The following KCNK10 variants were observed in gnomAD, a reference collection of about 807,000 sequenced individuals.
KCNK10 encodes the protein potassium channel subfamily K member 10.
In KCNK10, 25 loss-of-function variants were observed where a neutral mutation model predicts 47.7. The ratio of observed to expected loss-of-function variants is 0.52; its 90% CI spans 0.38 to 0.73. The LOEUF (loss-of-function observed/expected upper bound fraction) is 0.73. Ranked by LOEUF, KCNK10 falls within the 30% of genes least tolerant of loss-of-function variation. The pLI is 0.00. For missense variants in KCNK10, 563 were observed against 714.5 expected (o/e 0.79, Z 2.42); for synonymous variants, 303 against 285.6 (o/e 1.06, Z -0.61).
rs1431819911 is a variant in KCNK10, at chr14:88,180,847, G to A, written c.*4688C>T. The A allele has an allele frequency of 2.5e-6, 1 of 398,616 alleles. No individual in the cohort carries two copies. Among genetic ancestry groups the A allele is most frequent in the Non-Finnish European group, 4.4e-6 (1 of 226,054 alleles). The allele number at this position is 398,616 out of a possible 1,614,324, so 24.7% of individuals were successfully genotyped here. ...TTGCTTACAGCCATGTAATTAGCATGCTGTTCCAAAGTTTCCCTATGCAGA... is the reference window on the plus strand; with the variant it reads ...TTGCTTACAGCCATGTAATTAGCATACTGTTCCAAAGTTTCCCTATGCAGA... On this transcript the variant is annotated 3_prime_UTR_variant, in exon 7 of 7. Transcript: ENST00000319231.
At chr14:88,193,595 T>G (rs1205966958) in intron 4 of KCNK10, among the ~76,000 whole-genome samples, 3 of 152,172 alleles carry the variant, frequency 2.0e-5, no homozygotes, top group Non-Finnish European at 2.9e-5. Flanking sequence ...GTACACCACA[T>G]TTGGGGCAAT....
At chr14:88,304,457 C>T (rs1020999094) in intron 1 of KCNK10, among the ~76,000 whole-genome samples, 1 of 152,080 alleles carries the variant, frequency 6.6e-6, no homozygotes, top group Non-Finnish European at 1.5e-5. Context: ...TTTGTAACCC[C>T]GAAATCAAAT....
chr14:88,264,338 C>T (rs1482376807), intron 1 of KCNK10, among the ~76,000 whole-genome samples: 1 of 152,244 alleles, frequency 6.6e-6, no homozygotes, highest in Non-Finnish European at 1.5e-5. Flanking sequence ...TGCTATCATG[C>T]ATCACAGAAA....
At chr14:88,244,278 T>G (rs1283843879) in intron 2 of KCNK10, among the ~76,000 whole-genome samples, 2 of 152,218 alleles carry the variant, frequency 1.3e-5, no homozygotes, top group Non-Finnish European at 2.9e-5. Flanking sequence ...TAATTGAGTT[T>G]ACAGTTCTAA....
intron 2 of KCNK10, among the ~76,000 whole-genome samples, chr14:88,249,031 A>G (rs1051814177): frequency 1.3e-5 from 2 of 152,194 alleles, no homozygotes; most frequent in Non-Finnish European, 1.5e-5. Flanking sequence ...CTAGCCTTCT[A>G]TCTTCCACGA....
At chr14:88,250,373 T>G (rs1465994231) in intron 2 of KCNK10, among the ~76,000 whole-genome samples, 2 of 152,156 alleles carry the variant, frequency 1.3e-5, no homozygotes. Context: ...AAAGGGCAGC[T>G]CTTCTAAATT....
At position 88,185,877 on chromosome 14, in the gene KCNK10, C is replaced by T. The variant is rs2139819666; in HGVS notation, c.1290G>A (p.Leu430=). The change falls in exon 7 of 7, where the codon CTG becomes CTA. Residue 430 remains leucine, a synonymous_variant. Transcript: ENST00000319231. The surrounding 1 kb of genome is among the most constrained non-coding windows in gnomAD (Gnocchi z 4.3). ...SINNRPNNLR[L]KGPEQLNKHG... is the part of the protein sequence containing the mutation. ...GCTTGTTCAGCTGCTCCGGCCCCTT[C>T]AGGCGCAGGTTGTTGGGCCGGTTGT... The T allele has an allele frequency of 6.2e-7, 1 of 1,614,126 alleles. No individual in the cohort carries two copies. Among genetic ancestry groups the T allele is most frequent in the Non-Finnish European group, 8.5e-7 (1 of 1,180,030 alleles).
chr14:88,302,711 A>G (rs979990936), intron 1 of KCNK10, among the ~76,000 whole-genome samples: 3 of 152,184 alleles, frequency 2.0e-5, no homozygotes, highest in Non-Finnish European at 2.9e-5. Flanking sequence ...TTTTGTCTCA[A>G]ATAAATAAAA....
chr14:88,303,123 C>T (rs4899947), intron 1 of KCNK10, among the ~76,000 whole-genome samples: 76,245 of 151,990 alleles, frequency 0.5, 22,834 homozygotes, highest in Non-Finnish European at 0.68. Flanking sequence ...CCCTTCCCTG[C>T]TTTTAGACGA....
upstream of KCNK10, among the ~76,000 whole-genome samples, chr14:88,326,107 T>C (rs1888655887): frequency 6.7e-6 from 1 of 149,926 alleles, no homozygotes; most frequent in Non-Finnish European, 1.5e-5. Flanking sequence ...TTTCCCCACC[T>C]CCAACCTCTG....
chr14:88,267,884 C>T (rs1887305587), intron 1 of KCNK10, among the ~76,000 whole-genome samples: 1 of 152,124 alleles, frequency 6.6e-6, no homozygotes, highest in Admixed American at 6.5e-5. Context: ...TGATGGCCTA[C>T]TGGGCACTTA....
chr14:88,202,926 C>T (rs1294630798), intron 4 of KCNK10, among the ~76,000 whole-genome samples: 2 of 152,178 alleles, frequency 1.3e-5, no homozygotes, highest in East Asian at 1.9e-4. Flanking sequence ...CTAGGTCCTC[C>T]GACAGAGGGT....
In KCNK10 at chr14:88,248,923, C is replaced by T. The variant is rs541709658; in HGVS notation, c.403-8103G>A. Among the ~76,000 whole-genome samples the T allele has an allele frequency of 6.8e-4, 103 of 152,230 alleles. 1 individual carries two copies. The highest frequency in any genetic ancestry group is 1.1e-3 in the Non-Finnish European group (78 of 68,016). ...CCAGCACTTGCAATGTGGCAGACTC[C>T]GCCTTATTATCCTATTTAGTCCTCA... On this transcript the variant is annotated intron_variant, in intron 2 of 6. Transcript: ENST00000319231.
At chr14:88,315,896 G>C (rs891401595) in intron 1 of KCNK10, among the ~76,000 whole-genome samples, 1 of 152,082 alleles carries the variant, frequency 6.6e-6, no homozygotes, top group African/African-American at 2.4e-5. Flanking sequence ...GGGAACAAGG[G>C]AATGAAGAAA....
rs1452387821 is a variant in KCNK10, at chr14:88,181,575, A to C, written c.*3960T>G. ...ACCATGCAAAAAATGCCCTCACAGC[A>C]TGAGCCCTCCCGGTGACAGTACACT... On this transcript the variant is annotated 3_prime_UTR_variant, in exon 7 of 7. Transcript: ENST00000319231. The C allele has an allele frequency of 6.6e-6, 1 of 152,290 alleles. No individual in the cohort carries two copies. The highest frequency in any genetic ancestry group is 1.9e-4 in the East Asian group (1 of 5,328). 9.4% of individuals were successfully genotyped at this position (152,290 alleles called of 1,614,324 possible).
intron 4 of KCNK10, among the ~76,000 whole-genome samples, chr14:88,202,921 T>A (rs1186716521): frequency 1.3e-5 from 2 of 152,140 alleles, no homozygotes; most frequent in African/African-American, 4.8e-5. Context: ...TCCTCCTAGG[T>A]CCTCCGACAG....
chr14:88,193,343 G>A (rs1448478528), intron 4 of KCNK10, among the ~76,000 whole-genome samples: 1 of 152,144 alleles, frequency 6.6e-6, no homozygotes, highest in Non-Finnish European at 1.5e-5. Flanking sequence ...TCATACCAGT[G>A]GAGTCCAGGA....
intron 2 of KCNK10, among the ~76,000 whole-genome samples, chr14:88,256,788 T>C (rs1251487728): frequency 1.3e-5 from 2 of 152,170 alleles, no homozygotes; most frequent in East Asian, 3.9e-4. Flanking sequence ...CTGGTTTCTT[T>C]TTTTCTTCCT....
chr14:88,287,721 G>GTGTA (rs1555364728), intron 1 of KCNK10, among the ~76,000 whole-genome samples: 12 of 111,022 alleles, frequency 1.1e-4, no homozygotes, highest in African/African-American at 3.7e-4. Context: ...GTGTGTGTGT[G>GTGTA]TGTATCACAA....
Sources: gnomAD v4.1 joint callset for allele counts (sites outside exome capture counted in the v4.1 genomes callset) on GRCh38, gnomAD v4.1.1 for gene constraint, Gnocchi (gnomAD v3.1) non-coding constraint, MANE v1.5 for transcripts, NCBI Gene and HGNC (gene_info 2026-07-23, HGNC 2026-07-21) for gene names.